Variants in ZFYVE21 observed in about 807,000 individuals in gnomAD.
ZFYVE21 encodes zinc finger FYVE domain-containing protein 21.
A neutral mutation model predicts 29.5 loss-of-function variants in ZFYVE21; 21 were observed. That is an observed-to-expected ratio of 0.71 (90% CI 0.50 to 1.02). The LOEUF (loss-of-function observed/expected upper bound fraction) is 1.02, where lower values mean the gene tolerates loss of function less well. Ranked by LOEUF, ZFYVE21 falls within the 50% of genes least tolerant of loss-of-function variation. ZFYVE21 has a pLI of 0.00. For missense variants in ZFYVE21, 326 were observed against 335.4 expected (o/e 0.97, Z 0.22); for synonymous variants, 151 against 133.8 (o/e 1.13, Z -0.89).
intron 1 of ZFYVE21, among the ~76,000 whole-genome samples, chr14:103,724,173 C>T (rs1279097157): frequency 2.6e-5 from 4 of 152,218 alleles, no homozygotes; most frequent in South Asian, 2.1e-4. Context: ...ATTGGGCGGC[C>T]GCGCGGTCCC....
chr14:103,715,886 G>T lies in ZFYVE21; in HGVS notation c.45G>T (p.Val15=). 1 of 1,436,998 alleles carries T rather than the reference G, an allele frequency of 7.0e-7. No homozygotes were observed. 89.0% of individuals were successfully genotyped at this position (1,436,998 alleles called of 1,614,324 possible). The change falls in exon 1 of 7, where the codon GTG becomes GTT. Residue 15 remains valine (V), a synonymous_variant. Coordinates refer to ENST00000311141, the MANE Select transcript of ZFYVE21 (RefSeq NM_024071.4). ...VSARRDAKKL[V]RSPSGLRMVP... is the part of the protein sequence containing the mutation. Reference sequence around the variant, plus strand: ...CGCGCCGCGACGCCAAGAAGCTGGTGCGCTCCCCGAGCGGCCTGCGCATGG... The same window carrying T: ...CGCGCCGCGACGCCAAGAAGCTGGTTCGCTCCCCGAGCGGCCTGCGCATGG...
intron 5 of ZFYVE21, 178 bp downstream of exon 5, chr14:103,729,360 C>A (rs2083955271): frequency 3.2e-6 from 2 of 628,728 alleles, no homozygotes; most frequent in Non-Finnish European, 5.5e-6. Context: ...GGCTTTAGAA[C>A]TCGCCAGGTG....
intron 1 of ZFYVE21, among the ~76,000 whole-genome samples, chr14:103,719,197 G>A (rs2083852802): frequency 6.6e-6 from 1 of 152,196 alleles, no homozygotes; most frequent in Admixed American, 6.5e-5. Context: ...AGAATCACTT[G>A]AACCCAGGAA....
At position 103,716,785 on chromosome 14, in the gene ZFYVE21, G is replaced by A. The variant is rs1293175528; in HGVS notation, c.138+806G>A. 6.6e-6 allele frequency among the ~76,000 whole-genome samples: 1 copy of A among 152,192 alleles called. No individual in the cohort carries two copies. Among genetic ancestry groups the A allele is most frequent in the African/African-American group, 2.4e-5 (1 of 41,442 alleles). On this transcript the variant is annotated intron_variant, in intron 1 of 6. Coordinates refer to ENST00000311141, the MANE Select transcript of ZFYVE21 (RefSeq NM_024071.4). The surrounding 1 kb of genome is among the most constrained non-coding windows in gnomAD (Gnocchi z 4.8). ...GGGGTTCCCTGTGACCTGATCGGAG[G>A]TGCCTTTGCCTCACACCAGCCCCTT...
chr14:103,729,881 T>G, intron 5 of ZFYVE21: 1 of 1,535,496 alleles, frequency 6.5e-7, no homozygotes, highest in Non-Finnish European at 8.7e-7. Context: ...GCTCCCCGCA[T>G]GCAGCGGGCC....
intron 2 of ZFYVE21, 56 bp from the exon 3 acceptor site, chr14:103,727,690 C>T (rs1043778516): frequency 1.9e-6 from 3 of 1,589,630 alleles, no homozygotes; most frequent in Middle Eastern, 1.7e-4. Flanking sequence ...GGGGCCACAC[C>T]CGGGGCCGCT....
chr14:103,727,628 C>T, intron 2 of ZFYVE21, 118 bp from the exon 3 acceptor site: 1 of 1,359,234 alleles, frequency 7.4e-7, no homozygotes, highest in Non-Finnish European at 1.0e-6. Flanking sequence ...TGTGCAGCGG[C>T]CGGCACAGGG....
At chr14:103,720,752 C>T (rs908210611) in intron 1 of ZFYVE21, among the ~76,000 whole-genome samples, 14 of 152,140 alleles carry the variant, frequency 9.2e-5, no homozygotes, top group East Asian at 1.9e-4. Context: ...GAGCGGGTCT[C>T]GACCTGCAGG....
chr14:103,722,154 C>T (rs1008587579), intron 1 of ZFYVE21, among the ~76,000 whole-genome samples: 24 of 152,228 alleles, frequency 1.6e-4, no homozygotes, highest in African/African-American at 5.8e-4. Context: ...GTAGTTTTAC[C>T]TTATGTCTTC....
In ZFYVE21 at chr14:103,727,795, A is replaced by G. The variant is rs1239853313; in HGVS notation, c.239A>G (p.Gln80Arg). 6.2e-7 allele frequency: 1 copy of G among 1,612,278 alleles called. No homozygotes were observed. The highest frequency in any genetic ancestry group is 8.5e-7 in the Non-Finnish European group (1 of 1,179,890). The change falls in exon 3 of 7, where the codon CAG becomes CGG. Residue 80 changes from glutamine (Q) to arginine (R), a missense_variant. Transcript: ENST00000311141. ...TGCTTCTGCGACAGGTGCTGCAGCC[A>G]GAAGGTGCCGCTGCGGCGCATGTGC... is the stretch of plus-strand genomic sequence containing the variant. ...GKCFCDRCCS[Q>R]KVPLRRMCFV... is the part of the protein sequence containing the mutation.
intron 1 of ZFYVE21, among the ~76,000 whole-genome samples, chr14:103,724,243 C>A (rs2151951637): frequency 6.6e-6 from 1 of 152,368 alleles, no homozygotes; most frequent in South Asian, 2.1e-4. Flanking sequence ...GGTGACCCCA[C>A]AGGCCTTGCC....
At chr14:103,722,660 A>C (rs2083883040) in intron 1 of ZFYVE21, among the ~76,000 whole-genome samples, 1 of 152,146 alleles carries the variant, frequency 6.6e-6, no homozygotes, top group Admixed American at 6.5e-5. Flanking sequence ...TCTACTAAAA[A>C]TACAAAAAAT....
At chr14:103,720,109 T>C (rs1259434129) in intron 1 of ZFYVE21, among the ~76,000 whole-genome samples, 1 of 152,144 alleles carries the variant, frequency 6.6e-6, no homozygotes, top group Non-Finnish European at 1.5e-5. Context: ...GTGAAGTTGA[T>C]GTCCTCTCTC....
In ZFYVE21 at chr14:103,729,084, G is replaced by A; in HGVS notation, c.435-7G>A. The A allele has an allele frequency of 1.2e-6, 2 of 1,613,998 alleles. No homozygotes were observed. The highest frequency in any genetic ancestry group is 2.2e-5 in the East Asian group (1 of 44,878). On this transcript the variant is annotated splice_polypyrimidine_tract_variant and splice_region_variant and intron_variant, in intron 4 of 6. Transcript: ENST00000311141. ...TGACCCGATTTGGACACTTTTATTT[G>A]ATGTAGATACTTGTTTCTGGATGGA...
At chr14:103,720,728 G>A (rs373654608) in intron 1 of ZFYVE21, among the ~76,000 whole-genome samples, 21 of 152,268 alleles carry the variant, frequency 1.4e-4, no homozygotes, top group African/African-American at 4.1e-4. Flanking sequence ...CGTTCCTGTT[G>A]CATTGGAGTG....
Position 103,726,834 on chromosome 14 carries a change from A to T in ZFYVE21, c.181A>T (p.Thr61Ser), listed in dbSNP as rs2083929425. The T allele has an allele frequency of 6.2e-7, 1 of 1,612,568 alleles. No individual in the cohort carries two copies. The highest frequency in any genetic ancestry group is 2.2e-5 in the East Asian group (1 of 44,824). ...MQCDAKFDFL[T>S]RKHHCRRCGK... ...GTGTGACGCCAAGTTTGACTTTCTC[A>T]CCAGAAAGGTGAGCTGAGGCCGCTG... Residue 61 changes from threonine (T) to serine (S), a missense_variant, in exon 2 of 7, where the codon ACC (threonine) becomes TCC (serine). Transcript: ENST00000311141.
chr14:103,728,346 A>G (rs937009665), intron 3 of ZFYVE21, among the ~76,000 whole-genome samples: 2 of 152,174 alleles, frequency 1.3e-5, no homozygotes, highest in Admixed American at 1.3e-4. Flanking sequence ...CCAGGGGCAT[A>G]GGGTGTGCCT....
intron 2 of ZFYVE21, 69 bp from the exon 3 acceptor site, chr14:103,727,677 G>T (rs1567071003): frequency 4.4e-6 from 7 of 1,584,620 alleles, no homozygotes; most frequent in Non-Finnish European, 6.0e-6. Context: ...TGCCAGGCCA[G>T]CCGGGGCCAC....
chr14:103,721,719 G>A (rs570809057), intron 1 of ZFYVE21, among the ~76,000 whole-genome samples: 2 of 152,384 alleles, frequency 1.3e-5, no homozygotes. Context: ...GTTTGTCACA[G>A]CCTGCACCTC....
Sources: gnomAD v4.1 joint callset for allele counts (sites outside exome capture counted in the v4.1 genomes callset) on GRCh38, gnomAD v4.1.1 for gene constraint, Gnocchi (gnomAD v3.1) non-coding constraint, MANE v1.5 for transcripts, NCBI Gene and HGNC (gene_info 2026-07-23, HGNC 2026-07-21) for gene names.